The following IL11RA variants were observed in gnomAD, a reference collection of about 807,000 sequenced individuals.
IL11RA encodes the protein interleukin-11 receptor subunit alpha.
In IL11RA, 51 loss-of-function variants were observed where a neutral mutation model predicts 57.0. That is an observed-to-expected ratio of 0.89 (90% CI 0.71 to 1.13). The LOEUF (loss-of-function observed/expected upper bound fraction) is 1.13. Ranked by LOEUF, IL11RA falls within the 50% of genes most tolerant of loss-of-function variation. The probability of loss-of-function intolerance (pLI) is 0.00; values close to 1 mark genes in which losing one functional copy is unlikely to be tolerated. For missense variants in IL11RA, 498 were observed against 539.4 expected (o/e 0.92, Z 0.76); for synonymous variants, 199 against 217.5 (o/e 0.91, Z 0.75).
intron 3 of IL11RA, chr9:34,655,989 G>C (rs1161823532): frequency 2.7e-6 from 1 of 373,188 alleles, no homozygotes; most frequent in Non-Finnish European, 5.1e-6. Flanking sequence ...CTGCAGGGCA[G>C]AAAAACCAAA....
At position 34,653,206 on chromosome 9, in the gene IL11RA, G is replaced by A. The variant is rs915526735; in HGVS notation, c.-1+973G>A. On this transcript the variant is annotated intron_variant, in intron 1 of 12. Transcript: ENST00000441545. This position sits in a 1 kb window ranked among gnomAD's most constrained non-coding sequence, Gnocchi z 4.5. ...GGTGCTGTGAGCCCTGGTAGGGGCT[G>A]TGTGCGTGTGTGACTGCGTGAGTGT... Among the ~76,000 whole-genome samples, 1 of 152,216 alleles carries A rather than the reference G, an allele frequency of 6.6e-6. No homozygotes were observed. Among genetic ancestry groups the A allele is most frequent in the African/African-American group, 2.4e-5 (1 of 41,442 alleles).
Position 34,658,795 on chromosome 9 carries a change from C to T in IL11RA, c.810+112C>T, listed in dbSNP as rs1426194965. 1 of 1,217,600 alleles carries T rather than the reference C, an allele frequency of 8.2e-7. No individual in the cohort carries two copies. Among genetic ancestry groups the T allele is most frequent in the Admixed American group, 1.8e-5 (1 of 55,524 alleles). 75.4% of individuals were successfully genotyped at this position (1,217,600 alleles called of 1,614,324 possible). A position where few individuals can be genotyped will look rare whatever the true frequency, so the allele number is the denominator to read the frequency against. On this transcript the variant is annotated intron_variant, in intron 8 of 12. Coordinates refer to ENST00000441545, the MANE Select transcript of IL11RA (RefSeq NM_001142784.3). This position sits in a 1 kb window ranked among gnomAD's most constrained non-coding sequence, Gnocchi z 4.0. ...CTGGCAGGTCACTGAAGACCCAACA[C>T]TTCCCTGTGGGCCAGGCTTTGTACT... is the stretch of plus-strand genomic sequence containing the variant.
chr9:34,655,904 G>T (rs1339840898), intron 3 of IL11RA: 2 of 579,688 alleles, frequency 3.5e-6, no homozygotes, highest in Non-Finnish European at 3.2e-6. Flanking sequence ...GCCAGGCAAG[G>T]TGCCTGCCTT....
chr9:34,655,140 C>A (rs1821318032), intron 1 of IL11RA, 78 bp from the exon 2 acceptor site: 1 of 1,024,636 alleles, frequency 9.8e-7, no homozygotes, highest in African/African-American at 1.6e-5. Context: ...TAGGAAGCCT[C>A]AGTTTTGGAG....
rs1420634154 is a variant in IL11RA at position 34,653,669 on chromosome 9, G to C, written c.-1+1436G>C. On this transcript the variant is annotated intron_variant, in intron 1 of 12. Transcript: ENST00000441545. This position sits in a 1 kb window ranked among gnomAD's most constrained non-coding sequence, Gnocchi z 4.5. ...CTGTGTCTGGCTGTGTGAAAACACA[G>C]GGCATCTCTCACTGACAGGGACATA... is the stretch of plus-strand genomic sequence containing the variant. 6.6e-6 allele frequency among the ~76,000 whole-genome samples: 1 copy of C among 152,198 alleles called. No homozygotes were observed. The highest frequency in any genetic ancestry group is 1.5e-5 in the Non-Finnish European group (1 of 68,040).
chr9:34,660,408 A>G lies in IL11RA; in HGVS notation c.1072+15A>G, dbSNP rs1270633245. On this transcript the variant is annotated intron_variant, in intron 10 of 12. Transcript: ENST00000441545. Reference sequence around the variant, plus strand: ...TCGGCTACTTGGTGAGCTTGGGCAGATGGGCAAGACTTGTAAAGGACTGAA... The same window carrying G: ...TCGGCTACTTGGTGAGCTTGGGCAGGTGGGCAAGACTTGTAAAGGACTGAA... 1 of 1,613,994 alleles carries G rather than the reference A, an allele frequency of 6.2e-7. No homozygotes were observed. The highest frequency in any genetic ancestry group is 8.5e-7 in the Non-Finnish European group (1 of 1,179,930).
At position 34,661,532 on chromosome 9, in the gene IL11RA, T is replaced by C; in HGVS notation, c.*34T>C. ...GGAGGGCTTCGGCAGATTCCACCTA[T>C]AATTCTGTCTTGCTGGTGTGGATAG... On this transcript the variant is annotated 3_prime_UTR_variant, in exon 13 of 13. Transcript: ENST00000441545. 1 of 1,602,348 alleles carries C rather than the reference T, an allele frequency of 6.2e-7. No homozygotes were observed. Among genetic ancestry groups the C allele is most frequent in the Non-Finnish European group, 8.6e-7 (1 of 1,169,372 alleles).
rs533937850 is a variant in IL11RA at position 34,656,983 on chromosome 9, A to C, written c.332-52A>C. Reference sequence around the variant, plus strand: ...ATGGGACCTAAGTAAGCCCTCTGGGACCAGGAGGACCTGAGGACTGCTCAG... The same window carrying C: ...ATGGGACCTAAGTAAGCCCTCTGGGCCCAGGAGGACCTGAGGACTGCTCAG... On this transcript the variant is annotated intron_variant, in intron 4 of 12. Transcript: ENST00000441545. 2.8e-5 allele frequency: 45 copies of C among 1,607,062 alleles called. No homozygotes were observed. In the African/African-American group the frequency reaches 4.4e-4, roughly 16 times the overall value.
intron 12 of IL11RA, 122 bp downstream of exon 12, chr9:34,661,058 C>A: frequency 1.2e-6 from 1 of 818,914 alleles, no homozygotes. Context: ...TGGGTCTCCT[C>A]ATTTTAATGA....
rs746625153 is a variant in IL11RA at position 34,655,335 on chromosome 9, C to T, written c.100+18C>T. 2 of 1,405,744 alleles carry T rather than the reference C, an allele frequency of 1.4e-6. No homozygotes were observed. Among genetic ancestry groups the T allele is most frequent in the Non-Finnish European group, 2.0e-6 (2 of 994,886 alleles). The allele number at this position is 1,405,744 out of a possible 1,614,324, so 87.1% of individuals were successfully genotyped here. ...CCCCCCAGGTGAGAAGAACCCTGCT[C>T]TACAACCTCCCAACTCTGACTTGTG... On this transcript the variant is annotated intron_variant, in intron 2 of 12. Transcript: ENST00000441545.
rs757967936 is a variant in IL11RA, at chr9:34,660,843, C to G, written c.1170-11C>G. Reference sequence around the variant, plus strand: ...CATTGTTGGAGAGACAGCTGCCTTTCTATGCCCCAGGCTGAGGCTGAGACG... The same window carrying G: ...CATTGTTGGAGAGACAGCTGCCTTTGTATGCCCCAGGCTGAGGCTGAGACG... On this transcript the variant is annotated splice_polypyrimidine_tract_variant and intron_variant, in intron 11 of 12. Coordinates refer to ENST00000441545, the MANE Select transcript of IL11RA (RefSeq NM_001142784.3). The G allele has an allele frequency of 2.2e-5, 35 of 1,613,004 alleles. No individual in the cohort carries two copies. The highest frequency in any genetic ancestry group is 4.5e-5 in the East Asian group (2 of 44,886).
At chr9:34,660,679 C>A in intron 11 of IL11RA, 79 bp downstream of exon 11, 1 of 1,317,666 alleles carries the variant, frequency 7.6e-7, no homozygotes, top group South Asian at 1.2e-5. Flanking sequence ...CATCTCCACC[C>A]TTCATGACTG....
intron 2 of IL11RA, 98 bp from the exon 3 acceptor site, chr9:34,655,507 C>T (rs1238800381): frequency 1.8e-6 from 2 of 1,108,754 alleles, no homozygotes; most frequent in African/African-American, 1.5e-5. Context: ...GTGAGCCCCC[C>T]ACCACCCAGG....
In IL11RA at chr9:34,658,370, G is replaced by C; in HGVS notation, c.647-150G>C. 1.2e-6 allele frequency: 1 copy of C among 814,620 alleles called. No homozygotes were observed. The highest frequency in any genetic ancestry group is 2.1e-6 in the Non-Finnish European group (1 of 480,328). The allele number at this position is 814,620 out of a possible 1,614,324, so 50.5% of individuals were successfully genotyped here. A position where few individuals can be genotyped will look rare whatever the true frequency, so the allele number is the denominator to read the frequency against. On this transcript the variant is annotated intron_variant, in intron 7 of 12. Coordinates refer to ENST00000441545, the MANE Select transcript of IL11RA (RefSeq NM_001142784.3). This position sits in a 1 kb window ranked among gnomAD's most constrained non-coding sequence, Gnocchi z 4.0. The stretch of plus-strand genomic sequence containing the variant: ...GCCCATTTCATAATACAGATGACCG[G>C]TCTGAGTCTAATGGATGATCAAGTT...
At chr9:34,656,050 T>TC (rs958718538) in intron 3 of IL11RA, 8 of 318,512 alleles carry the variant, frequency 2.5e-5, no homozygotes, top group African/African-American at 1.7e-4. Context: ...TTTTTTTTTT[T>TC]TCCGAGAGTC....
intron 2 of IL11RA, 42 bp from the exon 3 acceptor site, chr9:34,655,563 G>A: frequency 6.3e-7 from 1 of 1,575,736 alleles, no homozygotes; most frequent in Non-Finnish European, 8.7e-7. Flanking sequence ...AAGTGGGGAG[G>A]GGGGTAAAGG....
intron 9 of IL11RA, among the ~76,000 whole-genome samples, 186 bp downstream of exon 9, chr9:34,660,086 C>T (rs1424271117): frequency 6.6e-6 from 1 of 152,262 alleles, no homozygotes; most frequent in African/African-American, 2.4e-5. Context: ...TTGGCCTCCA[C>T]CCCTGCAGTT....
chr9:34,660,911 A>C lies in IL11RA; in HGVS notation c.1227A>C (p.Ser409=). The C allele has an allele frequency of 6.2e-7, 1 of 1,614,128 alleles. No individual in the cohort carries two copies. Among genetic ancestry groups the C allele is most frequent in the Non-Finnish European group, 8.5e-7 (1 of 1,179,944 alleles). ...DGSPKPGFLA[S]VIPVDRRPGA... is the part of the protein sequence containing the mutation. Reference sequence around the variant, plus strand: ...CCCCAAAGCCTGGGTTCTTGGCCTCAGTGATTCCAGTGGACAGGCGTCCAG... The same window carrying C: ...CCCCAAAGCCTGGGTTCTTGGCCTCCGTGATTCCAGTGGACAGGCGTCCAG... Residue 409 remains serine (S), a synonymous_variant, in exon 12 of 13, where the codon TCA becomes TCC. Coordinates refer to ENST00000441545, the MANE Select transcript of IL11RA (RefSeq NM_001142784.3).
rs763667421 is a variant in IL11RA at position 34,661,480 on chromosome 9, A to G, written c.1253-2A>G. The G allele has an allele frequency of 6.2e-6, 10 of 1,613,674 alleles. No homozygotes were observed. The highest frequency in any genetic ancestry group is 8.5e-6 in the Non-Finnish European group (10 of 1,179,964). ...TCCTGATTTGCCTCCTGCTTCTTCT[A>G]GGAGCTCCAAACCTGTAGAGGACCC... is the stretch of plus-strand genomic sequence containing the variant. On this transcript the variant is annotated splice_acceptor_variant, in intron 12 of 12. Transcript: ENST00000441545. LOFTEE classifies it high-confidence loss of function.
Sources: allele counts gnomAD v4.1 joint callset (sites outside exome capture counted in the v4.1 genomes callset), GRCh38; gene constraint gnomAD v4.1.1; non-coding constraint Gnocchi (gnomAD v3.1); transcripts MANE v1.5; gene names NCBI Gene and HGNC (gene_info 2026-07-23, HGNC 2026-07-21).